Variants in OSBP2 observed in about 807,000 individuals in gnomAD.
OSBP2 encodes oxysterol binding protein 2.
In OSBP2, 66 loss-of-function variants were observed where a neutral mutation model predicts 96.0. The ratio of observed to expected loss-of-function variants is 0.69; its 90% CI spans 0.56 to 0.84. The LOEUF is 0.84. Ranked by LOEUF, OSBP2 falls within the 40% of genes least tolerant of loss-of-function variation. OSBP2 has a pLI of 0.00. For synonymous variants in OSBP2, 525 were observed against 520.9 expected, an observed-to-expected ratio of 1.01 and a Z score of -0.11; for missense variants, 1,038 against 1,222.7, an observed-to-expected ratio of 0.85 and a Z score of 2.25.
intron 1 of OSBP2, among the ~76,000 whole-genome samples, chr22:30,733,105 C>G (rs2089803621): frequency 6.6e-6 from 1 of 152,166 alleles, no homozygotes; most frequent in African/African-American, 2.4e-5. Context: ...TGGAAGGGGT[C>G]TGATATAGTT....
chr22:30,756,165 G>T (rs2090138442), intron 2 of OSBP2, among the ~76,000 whole-genome samples: 1 of 152,168 alleles, frequency 6.6e-6, no homozygotes, highest in Non-Finnish European at 1.5e-5. Flanking sequence ...GGTGGCAGTT[G>T]CGTTTTTCTT....
At chr22:30,730,715 T>A in intron 1 of OSBP2, among the ~76,000 whole-genome samples, 1 of 98,550 alleles carries the variant, frequency 1.0e-5, no homozygotes, top group African/African-American at 3.9e-5. Flanking sequence ...TTCGCTGCCC[T>A]GTCTCTCTCT....
chr22:30,863,546 G>A (rs1054645575), intron 2 of OSBP2, among the ~76,000 whole-genome samples: 2 of 152,190 alleles, frequency 1.3e-5, no homozygotes, highest in Admixed American at 1.3e-4. Context: ...TGAATGCCCT[G>A]CTCTGGGGGT....
chr22:30,735,380 TTTC>T (rs893520882), intron 1 of OSBP2, among the ~76,000 whole-genome samples: 17 of 151,724 alleles, frequency 1.1e-4, no homozygotes, highest in East Asian at 1.9e-4. Flanking sequence ...CATTAAATTG[TTTC>T]TTCTTCTTTT....
chr22:30,814,390 A>C (rs1213541472), intron 2 of OSBP2, among the ~76,000 whole-genome samples: 3 of 148,062 alleles, frequency 2.0e-5, no homozygotes, highest in African/African-American at 7.5e-5. Context: ...TCTTATGAAG[A>C]CACCAGTCGT....
intron 2 of OSBP2, among the ~76,000 whole-genome samples, chr22:30,744,111 C>T (rs1365701860): frequency 6.6e-6 from 1 of 152,204 alleles, no homozygotes. Flanking sequence ...GAAAAGCCTT[C>T]AGACGGCTAC....
intron 2 of OSBP2, among the ~76,000 whole-genome samples, chr22:30,859,930 G>A (rs1235350566): frequency 2.6e-5 from 4 of 151,982 alleles, no homozygotes; most frequent in Non-Finnish European, 5.9e-5. Flanking sequence ...CCTGGCCGCC[G>A]CCCCCGGCCC....
chr22:30,822,652 G>A, intron 2 of OSBP2: 3 of 1,534,094 alleles, frequency 2.0e-6, no homozygotes, highest in Non-Finnish European at 1.7e-6. Context: ...CGGCTGCTGG[G>A]ACACGGCCTC....
intron 2 of OSBP2, among the ~76,000 whole-genome samples, chr22:30,839,510 G>A (rs1246604238): frequency 6.7e-6 from 1 of 150,154 alleles, no homozygotes; most frequent in Non-Finnish European, 1.5e-5. Flanking sequence ...TCCAGCACCT[G>A]TTGTTTCCTG....
intron 2 of OSBP2, among the ~76,000 whole-genome samples, chr22:30,775,606 G>A (rs1169431012): frequency 2.6e-5 from 4 of 152,110 alleles, no homozygotes; most frequent in Non-Finnish European, 5.9e-5. Flanking sequence ...GTGAAAGAGT[G>A]AGACTCTGTC....
At chr22:30,802,737 C>T (rs943869647) in intron 2 of OSBP2, among the ~76,000 whole-genome samples, 2 of 152,252 alleles carry the variant, frequency 1.3e-5, no homozygotes, top group Non-Finnish European at 2.9e-5. Context: ...TCGGTGGCCT[C>T]GCGCGGCTCT....
intron 2 of OSBP2, among the ~76,000 whole-genome samples, chr22:30,785,320 G>C (rs990649836): frequency 1.3e-5 from 2 of 151,988 alleles, no homozygotes; most frequent in Non-Finnish European, 2.9e-5. Flanking sequence ...TGTAATCCCA[G>C]CACTTTGGGA....
At chr22:30,807,144 G>A (rs572150251) in intron 2 of OSBP2, among the ~76,000 whole-genome samples, 3 of 152,034 alleles carry the variant, frequency 2.0e-5, no homozygotes, top group African/African-American at 4.8e-5. Context: ...TGAACCTTGC[G>A]CCATTCCTGC....
intron 2 of OSBP2, among the ~76,000 whole-genome samples, chr22:30,780,722 T>C (rs1555912591): frequency 6.6e-6 from 1 of 152,236 alleles, no homozygotes. Flanking sequence ...GGTCTCGAAC[T>C]CCTGACCTCA....
intron 1 of OSBP2, among the ~76,000 whole-genome samples, chr22:30,722,978 A>T (rs2089578223): frequency 6.6e-6 from 1 of 151,554 alleles, no homozygotes; most frequent in South Asian, 2.1e-4. Flanking sequence ...TAAAGACAGG[A>T]TCTCACTATA....
At chr22:30,698,727 T>A (rs1351977265) in intron 1 of OSBP2, among the ~76,000 whole-genome samples, 1 of 152,048 alleles carries the variant, frequency 6.6e-6, no homozygotes, top group African/African-American at 2.4e-5. Flanking sequence ...CATGAGCCAC[T>A]GCACCTGGCC....
chr22:30,801,627 G>T (rs1436685878), intron 2 of OSBP2, among the ~76,000 whole-genome samples: 1 of 152,142 alleles, frequency 6.6e-6, no homozygotes, highest in Non-Finnish European at 1.5e-5. Flanking sequence ...AAAAATCAAG[G>T]TGTCTTTGGA....
At chr22:30,818,972 G>C (rs2091115120) in intron 2 of OSBP2, among the ~76,000 whole-genome samples, 1 of 152,226 alleles carries the variant, frequency 6.6e-6, no homozygotes. Context: ...GAAGGTTTCA[G>C]AGTTGGTGCA....
chr22:30,855,681 C>T (rs1032047677), intron 2 of OSBP2, among the ~76,000 whole-genome samples: 6 of 152,164 alleles, frequency 3.9e-5, no homozygotes, highest in Non-Finnish European at 5.9e-5. Context: ...TAATCAGAGC[C>T]TGTCTCTTCT....
Sources: allele counts gnomAD v4.1 joint callset (sites outside exome capture counted in the v4.1 genomes callset), GRCh38; gene constraint gnomAD v4.1.1; transcripts MANE v1.5; gene names NCBI Gene and HGNC (gene_info 2026-07-23, HGNC 2026-07-21).